The following INTS3 variants were observed in gnomAD, a reference collection of about 807,000 sequenced individuals.
INTS3 encodes the protein integrator complex subunit 3, also known as SOSS complex subunit A.
INTS3 carries 34 observed loss-of-function variants against 146.3 expected under a neutral mutation model. The ratio of observed to expected loss-of-function variants is 0.23; its 90% confidence interval spans 0.18 to 0.31. The LOEUF (loss-of-function observed/expected upper bound fraction) is 0.31, where lower values mean the gene tolerates loss of function less well. Ranked by LOEUF, INTS3 falls within the 10% of genes least tolerant of loss-of-function variation. INTS3 has a pLI of 1.00. For synonymous variants in INTS3, 475 were observed against 494.9 expected, an observed-to-expected ratio of 0.96 and a Z score of 0.53; for missense variants, 757 against 1,304.2, an observed-to-expected ratio of 0.58 and a Z score of 6.46.
chr1:153,733,260 TG>T (rs1671155017), intron 1 of INTS3, among the ~76,000 whole-genome samples: 1 of 115,644 alleles, frequency 8.6e-6, no homozygotes, highest in East Asian at 3.1e-4. Flanking sequence ...TCTCCCAGGC[TG>T]GAGTGTAGTG....
At position 153,770,687 on chromosome 1, in the gene INTS3, C is replaced by T; in HGVS notation, c.2506C>T (p.His836Tyr). Reference sequence around the variant, plus strand: ...CAGCCTCTGCCCTTCCCTCACAGAGCACCCAGAGGCCCTGTCCTGCCTACT... The same window carrying T: ...CAGCCTCTGCCCTTCCCTCACAGAGTACCCAGAGGCCCTGTCCTGCCTACT... ...PILQHLKYKE[H>Y]PEALSCLLLQ... Residue 836 changes from histidine (H) to tyrosine (Y), a missense_variant and splice_region_variant, in exon 25 of 30, where the codon CAC becomes TAC. His to Tyr is a moderately conservative substitution (Grantham distance 83). Around this residue, in one of 8 missense-constraint regions of INTS3, gnomAD observed 116 missense variants for 226.5 expected, o/e 0.51. Transcript: ENST00000318967. 6.2e-7 allele frequency: 1 copy of T among 1,613,554 alleles called. No homozygotes were observed. The highest frequency in any genetic ancestry group is 8.5e-7 in the Non-Finnish European group (1 of 1,179,488).
intron 13 of INTS3, chr1:153,761,218 T>C: frequency 1.7e-6 from 1 of 592,356 alleles, no homozygotes; most frequent in South Asian, 2.7e-5. Context: ...GAGTTAGAAA[T>C]GAGAAGCTCT....
chr1:153,728,934 T>G, intron 1 of INTS3, 150 bp downstream of exon 1: 1 of 587,604 alleles, frequency 1.7e-6, no homozygotes, highest in Non-Finnish European at 2.9e-6. Context: ...AGCTTCCTGC[T>G]CCTGAGGGAA....
chr1:153,747,263 T>C lies in INTS3; in HGVS notation c.433-16T>C. 6.2e-7 allele frequency: 1 copy of C among 1,610,508 alleles called. No individual in the cohort carries two copies. The highest frequency in any genetic ancestry group is 1.3e-5 in the African/African-American group (1 of 74,966). On this transcript the variant is annotated splice_polypyrimidine_tract_variant and intron_variant, in intron 4 of 29. Transcript: ENST00000318967. Reference sequence around the variant, plus strand: ...ACAGTTCCTGCTCTTCATCTGTTTTTCCCTCTTTCCTTTAGTTGGTGTGGT... The same window carrying C: ...ACAGTTCCTGCTCTTCATCTGTTTTCCCCTCTTTCCTTTAGTTGGTGTGGT...
chr1:153,731,390 G>C (rs1671054763), intron 1 of INTS3, among the ~76,000 whole-genome samples: 1 of 152,010 alleles, frequency 6.6e-6, no homozygotes, highest in African/African-American at 2.4e-5. Flanking sequence ...TTTGAAGGCG[G>C]AAGTCTTCTT....
Position 153,762,723 on chromosome 1 carries a change from C to T in INTS3, c.1517-5C>T. 6.2e-7 allele frequency: 1 copy of T among 1,613,670 alleles called. No homozygotes were observed. The highest frequency in any genetic ancestry group is 8.5e-7 in the Non-Finnish European group (1 of 1,179,870). On this transcript the variant is annotated splice_region_variant and splice_polypyrimidine_tract_variant and intron_variant, in intron 14 of 29. Transcript: ENST00000318967. ...TTAAATGCCTTATCTTTTTTTACTCCCAAGTCAAAATTGAGGAGCCAGTTT... is the reference window on the plus strand; with the variant it reads ...TTAAATGCCTTATCTTTTTTTACTCTCAAGTCAAAATTGAGGAGCCAGTTT...
At chr1:153,748,869 G>C (rs1346605494) in intron 6 of INTS3, 114 bp downstream of exon 6, 5 of 848,808 alleles carry the variant, frequency 5.9e-6, no homozygotes, top group African/African-American at 1.7e-5. Context: ...AAGTTAGAGA[G>C]GGGGAGGCAA....
At position 153,760,858 on chromosome 1, in the gene INTS3, G is replaced by A. The variant is rs1672358258; in HGVS notation, c.1349G>A (p.Gly450Asp). 6.2e-7 allele frequency: 1 copy of A among 1,613,994 alleles called. No individual in the cohort carries two copies. Among genetic ancestry groups the A allele is most frequent in the East Asian group, 2.2e-5 (1 of 44,892 alleles). The change falls in exon 13 of 30, where the codon GGC becomes GAC. Residue 450 changes from glycine to aspartate, a missense_variant. Physicochemically the swap from Gly to Asp is moderately conservative, Grantham distance 94. Around this residue, in one of 8 missense-constraint regions of INTS3, gnomAD observed 97 missense variants for 113.6 expected, o/e 0.85. Transcript: ENST00000318967. ...IIPNFYPPLE[G>D]HVRQGVFSSL... ...CCCAACTTCTATCCACCATTGGAGGGCCACGTGCGGCAGGGTGTCTTTTCC... is the reference window on the plus strand; with the variant it reads ...CCCAACTTCTATCCACCATTGGAGGACCACGTGCGGCAGGGTGTCTTTTCC...
chr1:153,768,582 G>A (rs1461819314), intron 21 of INTS3, among the ~76,000 whole-genome samples: 1 of 152,160 alleles, frequency 6.6e-6, no homozygotes, highest in Non-Finnish European at 1.5e-5. Flanking sequence ...CAGCCACCAT[G>A]GCCAGTCCTC....
rs1256991087 is a variant in INTS3, at chr1:153,768,921, A to T, written c.2273A>T (p.Glu758Val). 1.2e-6 allele frequency: 2 copies of T among 1,613,910 alleles called. No homozygotes were observed. The highest frequency in any genetic ancestry group is 1.7e-6 in the Non-Finnish European group (2 of 1,179,958). ...EFPDETLRSG[E>V]LLNMIVAVID... ...CCAGATGAAACCTTGAGGAGCGGAG[A>T]GCTGCTGAACATGATCGTGGCTGTT... Residue 758 changes from glutamate (E) to valine (V), a missense_variant, in exon 22 of 30, where the codon GAG becomes GTG. Glu to Val is a moderately radical substitution (Grantham distance 121). Coordinates refer to ENST00000318967, the MANE Select transcript of INTS3 (RefSeq NM_023015.5).
Position 153,772,511 on chromosome 1 carries a change from T to G in INTS3, c.2821+71T>G, listed in dbSNP as rs1204206699. 1 of 1,613,312 alleles carries G rather than the reference T, an allele frequency of 6.2e-7. No homozygotes were observed. The highest frequency in any genetic ancestry group is 2.2e-5 in the East Asian group (1 of 44,864). ...GCCCAGACTATGCCTGGAGCCAGGC[T>G]GGGGGCAGGGGCAGGACACCCGGGG... On this transcript the variant is annotated intron_variant, in intron 27 of 29. Coordinates refer to ENST00000318967, the MANE Select transcript of INTS3 (RefSeq NM_023015.5). The surrounding 1 kb of genome is among the most constrained non-coding windows in gnomAD (Gnocchi z 4.6).
rs928182617 is a variant in INTS3, at chr1:153,772,900, A to G, written c.2895-25A>G. 25 of 1,613,622 alleles carry G rather than the reference A, an allele frequency of 1.5e-5. No homozygotes were observed. The highest frequency in any genetic ancestry group is 2.1e-5 in the Non-Finnish European group (25 of 1,179,840). On this transcript the variant is annotated intron_variant, in intron 28 of 29. Coordinates refer to ENST00000318967, the MANE Select transcript of INTS3 (RefSeq NM_023015.5). This position sits in a 1 kb window ranked among gnomAD's most constrained non-coding sequence, Gnocchi z 4.6. ...CGTAGGAGCAGCAGGCTCCCACTCA[A>G]AGAGCTACCGCTCCTTTTCCTTAGA...
intron 9 of INTS3, among the ~76,000 whole-genome samples, chr1:153,756,391 T>C (rs1672162752): frequency 6.6e-6 from 1 of 151,146 alleles, no homozygotes; most frequent in Non-Finnish European, 1.5e-5. Flanking sequence ...ATTCAGAGCC[T>C]GGTGCAGTGG....
intron 5 of INTS3, 88 bp downstream of exon 5, chr1:153,747,451 G>C: frequency 1.0e-6 from 1 of 998,334 alleles, no homozygotes. Flanking sequence ...GTGCCAAAGG[G>C]ATGGAATTCT....
chr1:153,767,386 C>A, intron 20 of INTS3: 1 of 345,510 alleles, frequency 2.9e-6, no homozygotes, highest in Non-Finnish European at 5.2e-6. Context: ...CCAGCCTGAC[C>A]TGAGCCCTCC....
intron 10 of INTS3, among the ~76,000 whole-genome samples, chr1:153,759,108 C>A (rs903846616): frequency 1.3e-5 from 2 of 151,646 alleles, no homozygotes; most frequent in Non-Finnish European, 2.9e-5. Flanking sequence ...CATGGCAAGA[C>A]CCTCATCTCT....
intron 21 of INTS3, among the ~76,000 whole-genome samples, chr1:153,768,166 T>C (rs937761721): frequency 6.6e-5 from 10 of 152,338 alleles, no homozygotes; most frequent in East Asian, 1.9e-4. Context: ...TCTTGTCCTC[T>C]GATGGCTCAC....
At chr1:153,770,057 GGGTGTGTGTGTGTGTGT>G (rs1672758953) in intron 23 of INTS3, 124 bp from the exon 24 acceptor site, 1 of 451,684 alleles carries the variant, frequency 2.2e-6, no homozygotes, top group Non-Finnish European at 3.9e-6. Context: ...CAGTGGATTG[GGGTGTGTGTGTGTGTGT>G]GTGTGTGTGT....
chr1:153,770,078 T>C, intron 23 of INTS3, 120 bp from the exon 24 acceptor site: 1 of 420,386 alleles, frequency 2.4e-6, no homozygotes, highest in Admixed American at 3.2e-5. Flanking sequence ...TGTGTGTGTG[T>C]GTGTGTGTGT....
Sources: gnomAD v4.1 joint callset for allele counts (sites outside exome capture counted in the v4.1 genomes callset) on GRCh38, gnomAD v4.1.1 for gene constraint, gnomAD v4.1.1 regional missense constraint, Gnocchi (gnomAD v3.1) non-coding constraint, MANE v1.5 for transcripts, NCBI Gene and HGNC (gene_info 2026-07-23, HGNC 2026-07-21) for gene names.